GABBR2: variants seen among roughly 807,000 people sequenced by gnomAD.
GABBR2 encodes gamma-aminobutyric acid type B receptor subunit 2.
In GABBR2, 23 loss-of-function variants were observed where a neutral mutation model predicts 105.6. The observed-to-expected ratio is 0.22, with a 90% confidence interval of 0.16 to 0.31. The LOEUF (loss-of-function observed/expected upper bound fraction) is 0.31, where lower values mean the gene tolerates loss of function less well. Ranked by LOEUF, GABBR2 falls within the 10% of genes least tolerant of loss-of-function variation. GABBR2 has a pLI of 1.00. For synonymous variants in GABBR2, 478 were observed against 499.7 expected (o/e 0.96, Z 0.58); for missense variants, 734 against 1,245.5 (o/e 0.59, Z 6.18).
At chr9:98,364,350 G>A (rs1398599505) in intron 12 of GABBR2, among the ~76,000 whole-genome samples, 1 of 152,236 alleles carries the variant, frequency 6.6e-6, no homozygotes, top group Non-Finnish European at 1.5e-5. Flanking sequence ...ACATGGGGCT[G>A]TTTGAGCCCC....
At chr9:98,498,070 A>G (rs1483219876) in intron 3 of GABBR2, among the ~76,000 whole-genome samples, 1 of 152,258 alleles carries the variant, frequency 6.6e-6, no homozygotes, top group African/African-American at 2.4e-5. Context: ...TAAAATTCTG[A>G]CACATGCTAC....
chr9:98,366,091 T>A (rs1305561633), intron 12 of GABBR2, among the ~76,000 whole-genome samples: 1 of 152,222 alleles, frequency 6.6e-6, no homozygotes, highest in Non-Finnish European at 1.5e-5. Context: ...AACTAACTAG[T>A]TGTGTGATCT....
At chr9:98,440,883 T>A (rs1177105123) in intron 7 of GABBR2, among the ~76,000 whole-genome samples, 1 of 152,166 alleles carries the variant, frequency 6.6e-6, no homozygotes, top group African/African-American at 2.4e-5. Flanking sequence ...AAAACTTCCT[T>A]CCTGCTTAGC....
chr9:98,600,609 C>G (rs1829315292), intron 1 of GABBR2, among the ~76,000 whole-genome samples: 1 of 152,238 alleles, frequency 6.6e-6, no homozygotes, highest in African/African-American at 2.4e-5. Context: ...AAGAAGGGCT[C>G]AGTAAACATC....
chr9:98,448,981 G>A (rs1445356423), intron 7 of GABBR2, among the ~76,000 whole-genome samples: 1 of 151,954 alleles, frequency 6.6e-6, no homozygotes, highest in African/African-American at 2.4e-5. Context: ...TGAAGACTTA[G>A]CCAGTGTTTC....
chr9:98,445,612 C>A (rs1300235593), intron 7 of GABBR2, among the ~76,000 whole-genome samples: 1 of 152,184 alleles, frequency 6.6e-6, no homozygotes, highest in Non-Finnish European at 1.5e-5. Context: ...TGAAGGTGAG[C>A]CTCAGCCTGT....
intron 3 of GABBR2, among the ~76,000 whole-genome samples, chr9:98,519,773 A>G (rs1490143276): frequency 6.6e-6 from 1 of 150,624 alleles, no homozygotes; most frequent in African/African-American, 2.5e-5. Context: ...CAGGACTTAC[A>G]TGTTTTTTCC....
chr9:98,369,944 C>T (rs962279240), intron 12 of GABBR2, among the ~76,000 whole-genome samples: 1 of 152,078 alleles, frequency 6.6e-6, no homozygotes, highest in East Asian at 1.9e-4. Context: ...GCCTTGGTTT[C>T]CAGTGAAAAG....
intron 1 of GABBR2, among the ~76,000 whole-genome samples, chr9:98,660,580 A>G (rs1398080857): frequency 6.6e-6 from 1 of 152,222 alleles, no homozygotes; most frequent in Admixed American, 6.5e-5. Context: ...ACAAATCACC[A>G]CAAAGTTATC....
intron 5 of GABBR2, 129 bp downstream of exon 5, chr9:98,480,803 C>G: frequency 2.9e-6 from 2 of 682,718 alleles, no homozygotes. Context: ...GAACGCAACT[C>G]TTCTGCTTCC....
chr9:98,571,817 G>A (rs986782201), intron 2 of GABBR2, among the ~76,000 whole-genome samples: 4 of 152,222 alleles, frequency 2.6e-5, no homozygotes, highest in African/African-American at 7.2e-5. Context: ...TCCAGAGGCA[G>A]GGCTTGCTTG....
intron 11 of GABBR2, among the ~76,000 whole-genome samples, chr9:98,383,387 G>A (rs1054691187): frequency 4.0e-5 from 6 of 151,704 alleles, no homozygotes; most frequent in African/African-American, 9.7e-5. Context: ...ACTCCCAGAC[G>A]GGCAGAATAA....
At chr9:98,474,799 C>T (rs761223857) in intron 5 of GABBR2, among the ~76,000 whole-genome samples, 25 of 152,164 alleles carry the variant, frequency 1.6e-4, no homozygotes, top group Non-Finnish European at 3.4e-4. Context: ...GAGCTCCCAA[C>T]AACTCCTATA....
intron 1 of GABBR2, among the ~76,000 whole-genome samples, chr9:98,682,151 C>T (rs1025226864): frequency 2.0e-5 from 3 of 150,746 alleles, no homozygotes; most frequent in East Asian, 2.0e-4. Flanking sequence ...CACTTGAACC[C>T]GGGAGGTGGA....
intron 8 of GABBR2, among the ~76,000 whole-genome samples, chr9:98,399,895 T>C (rs1449346787): frequency 2.0e-5 from 3 of 151,530 alleles, no homozygotes; most frequent in African/African-American, 7.3e-5. Flanking sequence ...GTCAAAGGGC[T>C]GGGTGCGGTG....
chr9:98,636,508 TTTTG>T (rs1295068423), intron 1 of GABBR2, among the ~76,000 whole-genome samples: 4 of 144,362 alleles, frequency 2.8e-5, no homozygotes, highest in African/African-American at 7.8e-5. Flanking sequence ...TTTTTTTTTT[TTTTG>T]AGATGGAGTC....
intron 7 of GABBR2, among the ~76,000 whole-genome samples, chr9:98,424,561 A>G (rs549906702): frequency 2.6e-5 from 4 of 152,164 alleles, no homozygotes; most frequent in Admixed American, 2.6e-4. Flanking sequence ...TGCAGACGAC[A>G]TGATTGTATA....
chr9:98,293,935 C>T (rs375479495), intron 17 of GABBR2, 33 bp from the exon 18 acceptor site: 12 of 1,253,350 alleles, frequency 9.6e-6, no homozygotes, highest in East Asian at 2.3e-5. Flanking sequence ...ACAACATGTT[C>T]GGTTAACTTA....
At chr9:98,577,227 G>C (rs1162489470) in intron 2 of GABBR2, among the ~76,000 whole-genome samples, 1 of 152,254 alleles carries the variant, frequency 6.6e-6, no homozygotes, top group Non-Finnish European at 1.5e-5. Context: ...TGGATGGATG[G>C]AGCAAAAAAG....
Sources: allele counts gnomAD v4.1 joint callset (sites outside exome capture counted in the v4.1 genomes callset), GRCh38; gene constraint gnomAD v4.1.1; transcripts MANE v1.5; gene names NCBI Gene and HGNC (gene_info 2026-07-23, HGNC 2026-07-21).